The following ARID3A variants were observed in gnomAD, a reference collection of about 807,000 sequenced individuals.
ARID3A encodes the protein AT-rich interactive domain-containing protein 3A.
Under a neutral mutation model 52.7 loss-of-function variants are expected in ARID3A, and 11 were observed. The ratio of observed to expected loss-of-function variants is 0.21; its 90% CI spans 0.13 to 0.35. The LOEUF is 0.35. Ranked by LOEUF, ARID3A falls within the 10% of genes least tolerant of loss-of-function variation. The probability of loss-of-function intolerance (pLI) is 1.00; values close to 1 mark genes in which losing one functional copy is unlikely to be tolerated. For synonymous variants in ARID3A, 404 were observed against 359.4 expected, an observed-to-expected ratio of 1.12 and a Z score of -1.40; for missense variants, 721 against 838.5, an observed-to-expected ratio of 0.86 and a Z score of 1.73.
chr19:973,903 G>A lies in ARID3A; in HGVS notation c.*1838G>A, dbSNP rs1290927333. ...TCTGAAATGCCCAGCAGGGTCTGGG[G>A]ACTTCGTTGGACCCGCGTGGTGTTG... On this transcript the variant is annotated 3_prime_UTR_variant, in exon 9 of 9. Transcript: ENST00000263620. The A allele has an allele frequency of 4.3e-6, 1 of 230,988 alleles. No homozygotes were observed. Among genetic ancestry groups the A allele is most frequent in the Non-Finnish European group, 8.6e-6 (1 of 116,670 alleles). 14.3% of individuals were successfully genotyped at this position (230,988 alleles called of 1,614,324 possible). A position where few individuals can be genotyped will look rare whatever the true frequency, so the allele number is the denominator to read the frequency against.
At chr19:926,813 A>G (rs998235083) in intron 1 of ARID3A, among the ~76,000 whole-genome samples, 1 of 151,496 alleles carries the variant, frequency 6.6e-6, no homozygotes, top group African/African-American at 2.4e-5. Flanking sequence ...TGTCAACTCC[A>G]ACGCTCGGCG....
chr19:938,930 CTTTT>C lies in ARID3A; in HGVS notation c.693+6203_693+6206del, dbSNP rs5826711. ...CACATAGATACATTATTTTATCTCT[CTTTT>C]TTTTTTTTTTTTTTGAGACGGAGTC... On this transcript the variant is annotated intron_variant, in intron 3 of 8. Transcript: ENST00000263620. The surrounding 1 kb of genome is among the most constrained non-coding windows in gnomAD (Gnocchi z 4.0). Among the ~76,000 whole-genome samples the C allele has an allele frequency of 8.6e-5, 11 of 128,190 alleles. No homozygotes were observed. Among genetic ancestry groups the C allele is most frequent in the African/African-American group, 2.4e-4 (8 of 32,826 alleles). 84.1% of individuals were successfully genotyped at this position (128,190 alleles called of 152,430 possible).
intron 3 of ARID3A, among the ~76,000 whole-genome samples, chr19:945,695 C>A (rs962753488): frequency 1.3e-5 from 2 of 152,130 alleles, no homozygotes; most frequent in Admixed American, 6.5e-5. Flanking sequence ...TTCCTTCCTG[C>A]AGCCGTCTTT....
In ARID3A at chr19:966,699, G is replaced by A. The variant is rs1378444569; in HGVS notation, c.1326G>A (p.Gln442=). The stretch of plus-strand genomic sequence containing the variant: ...CCGCCCAAGCAGCTGTGGCCGCACA[G>A]GCAGCTGCCCTGGAACAGCTGCGGG... ...AAAAQAAVAA[Q]AAALEQLREK... The change falls in exon 7 of 9, where the codon CAG becomes CAA. Residue 442 remains glutamine (Q), a synonymous_variant. Transcript: ENST00000263620. 6.2e-7 allele frequency: 1 copy of A among 1,611,730 alleles called. No individual in the cohort carries two copies.
At chr19:932,363 G>A (rs2037349321) in intron 2 of ARID3A, 55 bp from the exon 3 acceptor site, 6 of 1,565,516 alleles carry the variant, frequency 3.8e-6, no homozygotes, top group East Asian at 2.4e-5. Context: ...GTCTTTCCTT[G>A]GGCTGGGACG....
intron 8 of ARID3A, among the ~76,000 whole-genome samples, chr19:970,870 C>T (rs529584468): frequency 2.6e-5 from 4 of 152,236 alleles, no homozygotes; most frequent in Non-Finnish European, 5.9e-5. Context: ...TGCAGGCCCC[C>T]GCCCGGCTGT....
chr19:956,757 C>G (rs1176273690), intron 3 of ARID3A: 1 of 152,452 alleles, frequency 6.6e-6, no homozygotes, highest in Non-Finnish European at 1.5e-5. Flanking sequence ...CAGCCCCTTC[C>G]CGGAAGGCCT....
intron 3 of ARID3A, among the ~76,000 whole-genome samples, chr19:939,879 G>A (rs2037510951): frequency 6.6e-6 from 1 of 152,130 alleles, no homozygotes; most frequent in Non-Finnish European, 1.5e-5. Flanking sequence ...GGCTCTGGGA[G>A]AATCGGCAAC....
rs1032716964 is a variant in ARID3A at position 942,060 on chromosome 19, C to T, written c.693+9318C>T. The stretch of plus-strand genomic sequence containing the variant: ...GTCTTGGTCAGCAGCGCGCGTCGGC[C>T]GCGGGGCACAGATCAGCGCCTCCCC... On this transcript the variant is annotated intron_variant, in intron 3 of 8. Coordinates refer to ENST00000263620, the MANE Select transcript of ARID3A (RefSeq NM_005224.3). This position sits in a 1 kb window ranked among gnomAD's most constrained non-coding sequence, Gnocchi z 8.1. 7.2e-5 allele frequency among the ~76,000 whole-genome samples: 11 copies of T among 152,140 alleles called. No individual in the cohort carries two copies. Among genetic ancestry groups the T allele is most frequent in the Non-Finnish European group, 1.5e-4 (10 of 68,016 alleles).
chr19:941,555 C>T lies in ARID3A; in HGVS notation c.693+8813C>T, dbSNP rs1478784025. ...GGACCTGTTGGTGAGTGTGTCCAGA[C>T]GTGTGTCTGCCCTGACGTCCTTTGT... On this transcript the variant is annotated intron_variant, in intron 3 of 8. Coordinates refer to ENST00000263620, the MANE Select transcript of ARID3A (RefSeq NM_005224.3). This position sits in a 1 kb window ranked among gnomAD's most constrained non-coding sequence, Gnocchi z 6.9. 2.6e-5 allele frequency among the ~76,000 whole-genome samples: 4 copies of T among 152,144 alleles called. No individual in the cohort carries two copies. The highest frequency in any genetic ancestry group is 9.7e-5 in the African/African-American group (4 of 41,416).
chr19:951,115 C>A (rs894146048), intron 3 of ARID3A, among the ~76,000 whole-genome samples: 31 of 152,050 alleles, frequency 2.0e-4, no homozygotes, highest in African/African-American at 7.0e-4. Flanking sequence ...AGCCACTATG[C>A]CCGGCCAGGA....
intron 3 of ARID3A, among the ~76,000 whole-genome samples, chr19:948,675 G>A (rs2037737453): frequency 6.6e-6 from 1 of 151,708 alleles, no homozygotes; most frequent in East Asian, 1.9e-4. Flanking sequence ...ACTCTGTGGG[G>A]AGGGGACGAG....
intron 7 of ARID3A, among the ~76,000 whole-genome samples, chr19:967,452 G>A (rs989558015): frequency 2.0e-5 from 3 of 152,044 alleles, no homozygotes; most frequent in Non-Finnish European, 2.9e-5. Context: ...CCAGCTACTC[G>A]GGAGGCTGAG....
chr19:961,614 G>A (rs973533506), intron 4 of ARID3A: 2 of 152,642 alleles, frequency 1.3e-5, no homozygotes, highest in African/African-American at 4.8e-5. Context: ...GGTGTCCTGG[G>A]GGTACTTAGA....
chr19:926,230 C>T (rs1426821759), intron 1 of ARID3A, among the ~76,000 whole-genome samples, 171 bp downstream of exon 1: 1 of 151,276 alleles, frequency 6.6e-6, no homozygotes, highest in South Asian at 2.1e-4. Context: ...CCGTTCCCAG[C>T]GCGGGTTCCG....
rs186088462 is a variant in ARID3A, at chr19:965,952, A to T, written c.1199-620A>T. On this transcript the variant is annotated intron_variant, in intron 6 of 8. Coordinates refer to ENST00000263620, the MANE Select transcript of ARID3A (RefSeq NM_005224.3). ...GGTTGCGGTGAGCCAAGATCACGTC[A>T]CTGCATTCCAGCCTCAGCGACAGAG... Among the ~76,000 whole-genome samples the T allele has an allele frequency of 5.4e-5, 8 of 148,862 alleles. No individual in the cohort carries two copies. The East Asian group carries it at 1.6e-3, about 29-fold the overall frequency.
At chr19:933,939 G>A (rs866388830) in intron 3 of ARID3A, among the ~76,000 whole-genome samples, 4 of 151,744 alleles carry the variant, frequency 2.6e-5, no homozygotes, top group African/African-American at 4.8e-5. Context: ...ACACTGCCGC[G>A]CGTCCCATTC....
rs374799895 is a variant in ARID3A, at chr19:944,471, C to T, written c.693+11729C>T. Among the ~76,000 whole-genome samples the T allele has an allele frequency of 3.0e-4, 46 of 152,176 alleles. No homozygotes were observed. The highest frequency in any genetic ancestry group is 1.1e-3 in the African/African-American group (45 of 41,530). On this transcript the variant is annotated intron_variant, in intron 3 of 8. Coordinates refer to ENST00000263620, the MANE Select transcript of ARID3A (RefSeq NM_005224.3). The surrounding 1 kb of genome is among the most constrained non-coding windows in gnomAD (Gnocchi z 5.9). ...ACGGCCTCAGCCCCGTTGCTTCGGT[C>T]GATGCCCCCAAACCTTGACCCATCT... is the stretch of plus-strand genomic sequence containing the variant.
chr19:965,142 C>T lies in ARID3A; in HGVS notation c.1198+62C>T, dbSNP rs1599424726. On this transcript the variant is annotated intron_variant, in intron 6 of 8. Transcript: ENST00000263620. ...CTGAGCTTCAGCCTGGCTGTCTGACCTTGGGGGATACCTCTTCCCCTCTCT... is the reference window on the plus strand; with the variant it reads ...CTGAGCTTCAGCCTGGCTGTCTGACTTTGGGGGATACCTCTTCCCCTCTCT... 2.0e-6 allele frequency: 3 copies of T among 1,509,050 alleles called. No homozygotes were observed. In the East Asian group the frequency reaches 7.0e-5, roughly 35 times the overall value. 93.5% of individuals were successfully genotyped at this position (1,509,050 alleles called of 1,614,324 possible). A position where few individuals can be genotyped will look rare whatever the true frequency, so the allele number is the denominator to read the frequency against.
Sources: gnomAD v4.1 joint callset for allele counts (sites outside exome capture counted in the v4.1 genomes callset) on GRCh38, gnomAD v4.1.1 for gene constraint, Gnocchi (gnomAD v3.1) non-coding constraint, MANE v1.5 for transcripts, NCBI Gene and HGNC (gene_info 2026-07-23, HGNC 2026-07-21) for gene names.